Variants in MAX observed in about 807,000 individuals in gnomAD.
MAX encodes the protein protein max.
Under a neutral mutation model 22.3 loss-of-function variants are expected in MAX, and 3 were observed. That is an observed-to-expected ratio of 0.13 (90% confidence interval 0.06 to 0.35). The LOEUF is 0.35. MAX is among the 10% of genes least tolerant of loss of function. The pLI, the probability that MAX is intolerant of heterozygous loss-of-function variation, is 1.00. For synonymous variants in MAX, 72 were observed against 77.7 expected, an observed-to-expected ratio of 0.93 and a Z score of 0.39; for missense variants, 119 against 209.4, an observed-to-expected ratio of 0.57 and a Z score of 2.66.
rs2062424639 is a variant in MAX, at chr14:65,044,217, C to A, written c.172-37933G>T. The A allele has an allele frequency of 6.3e-7, 1 of 1,587,746 alleles. No individual in the cohort carries two copies. Among genetic ancestry groups the A allele is most frequent in the African/African-American group, 1.4e-5 (1 of 73,222 alleles). Reference sequence around the variant, plus strand: ...TGCCAAGAAGCCACAAGATGGGAAACCCTCCATCCCACAGATTGACTCCTG... The same window carrying A: ...TGCCAAGAAGCCACAAGATGGGAAAACCTCCATCCCACAGATTGACTCCTG... On this transcript the variant is annotated intron_variant, in intron 3 of 3. Transcript: ENST00000341653. The surrounding 1 kb of genome is among the most constrained non-coding windows in gnomAD (Gnocchi z 5.5).
At chr14:65,045,359 T>C (rs2062451944) in intron 3 of MAX, among the ~76,000 whole-genome samples, 1 of 152,094 alleles carries the variant, frequency 6.6e-6, no homozygotes. Flanking sequence ...GAGATTCTTT[T>C]CTGCCCCTCC....
In MAX at chr14:65,076,448, T is replaced by C. The variant is rs1402574606; in HGVS notation, c.*28A>G. On this transcript the variant is annotated 3_prime_UTR_variant, in exon 5 of 5. Transcript: ENST00000358664. The surrounding 1 kb of genome is among the most constrained non-coding windows in gnomAD (Gnocchi z 6.6). The stretch of plus-strand genomic sequence containing the variant: ...AGGATGAGACGATGGAGACAGACAG[T>C]TTTTATTGCTGGCCTGCCCCGAGTG... The C allele has an allele frequency of 6.2e-7, 1 of 1,612,042 alleles. No homozygotes were observed.
Position 65,032,790 on chromosome 14 carries a change from G to A in MAX, c.172-26506C>T. 2 of 1,231,636 alleles carry A rather than the reference G, an allele frequency of 1.6e-6. No individual in the cohort carries two copies. The highest frequency in any genetic ancestry group is 2.2e-6 in the Non-Finnish European group (2 of 902,750). The allele number at this position is 1,231,636 out of a possible 1,614,324, so 76.3% of individuals were successfully genotyped here. On this transcript the variant is annotated intron_variant, in intron 3 of 3. Coordinates refer to the MAX transcript ENST00000341653. The surrounding 1 kb of genome is among the most constrained non-coding windows in gnomAD (Gnocchi z 5.0). Reference sequence around the variant, plus strand: ...AAAGAAAATGCAGAGGGACTTGGAAGGAAATACAAAAATCACAGGAGATCC... The same window carrying A: ...AAAGAAAATGCAGAGGGACTTGGAAAGAAATACAAAAATCACAGGAGATCC...
At chr14:65,092,008 C>A (rs1423369627) in intron 3 of MAX, 1 of 151,938 alleles carries the variant, frequency 6.6e-6, no homozygotes, top group Non-Finnish European at 1.5e-5. Flanking sequence ...TGTAAGACTA[C>A]CAAATTCAAA....
rs1182383819 is a variant in MAX, at chr14:65,044,921, A to G, written c.172-38637T>C. Among the ~76,000 whole-genome samples, 1 of 152,128 alleles carries G rather than the reference A, an allele frequency of 6.6e-6. No homozygotes were observed. Among genetic ancestry groups the G allele is most frequent in the Non-Finnish European group, 1.5e-5 (1 of 68,018 alleles). On this transcript the variant is annotated intron_variant, in intron 3 of 3. Coordinates refer to the MAX transcript ENST00000341653. This position sits in a 1 kb window ranked among gnomAD's most constrained non-coding sequence, Gnocchi z 5.5. Reference sequence around the variant, plus strand: ...TGGGTTGTAGGGGTGGGTTGCCCCTACACCATGGAGAAGAGACTCGCCGTG... The same window carrying G: ...TGGGTTGTAGGGGTGGGTTGCCCCTGCACCATGGAGAAGAGACTCGCCGTG...
Position 65,077,601 on chromosome 14 carries a change from A to C in MAX, c.295+312T>G, listed in dbSNP as rs542521673. The C allele has an allele frequency of 4.0e-4, 410 of 1,025,786 alleles. No homozygotes were observed. The highest frequency in any genetic ancestry group is 5.4e-4 in the Non-Finnish European group (363 of 668,508). 63.5% of individuals were successfully genotyped at this position (1,025,786 alleles called of 1,614,324 possible). A position where few individuals can be genotyped will look rare whatever the true frequency, so the allele number is the denominator to read the frequency against. Reference sequence around the variant, plus strand: ...CTCCAAGGACCTCAAAGCTCTTTTCAGACACCTGATGCCAGGTGTGATCCC... The same window carrying C: ...CTCCAAGGACCTCAAAGCTCTTTTCCGACACCTGATGCCAGGTGTGATCCC... On this transcript the variant is annotated intron_variant, in intron 4 of 4. Transcript: ENST00000358664. This position sits in a 1 kb window ranked among gnomAD's most constrained non-coding sequence, Gnocchi z 6.3.
intron 3 of MAX, among the ~76,000 whole-genome samples, chr14:65,026,434 G>A (rs1477924761): frequency 1.3e-5 from 2 of 152,222 alleles, no homozygotes; most frequent in Non-Finnish European, 1.5e-5. Context: ...AATTCTCCAA[G>A]AACCCGCAGA....
intron 3 of MAX, chr14:65,061,049 A>AGC: frequency 7.0e-7 from 1 of 1,435,244 alleles, no homozygotes; most frequent in South Asian, 1.4e-5. Context: ...CCATTTTTGA[A>AGC]CCTTTGGGCT....
intron 3 of MAX, among the ~76,000 whole-genome samples, chr14:65,087,459 A>G (rs2063369852): frequency 6.6e-6 from 1 of 152,226 alleles, no homozygotes; most frequent in Admixed American, 6.5e-5. Context: ...ATGCAAGACC[A>G]AAGGAACCCA....
intron 3 of MAX, among the ~76,000 whole-genome samples, chr14:65,017,676 TG>T (rs1433858818): frequency 1.3e-5 from 2 of 152,148 alleles, no homozygotes; most frequent in Non-Finnish European, 2.9e-5. Flanking sequence ...AATGTAAAGC[TG>T]GGTGTGGTGG....
chr14:65,076,956 G>A lies in MAX; in HGVS notation c.296-293C>T, dbSNP rs1382396956. 3 of 563,726 alleles carry A rather than the reference G, an allele frequency of 5.3e-6. No individual in the cohort carries two copies. Among genetic ancestry groups the A allele is most frequent in the Non-Finnish European group, 9.5e-6 (3 of 315,412 alleles). The allele number at this position is 563,726 out of a possible 1,614,324, so 34.9% of individuals were successfully genotyped here. On this transcript the variant is annotated intron_variant, in intron 4 of 4. Coordinates refer to ENST00000358664, the MANE Select transcript of MAX (RefSeq NM_002382.5). This position sits in a 1 kb window ranked among gnomAD's most constrained non-coding sequence, Gnocchi z 6.6. Reference sequence around the variant, plus strand: ...GTGGAAGCCCCGTGGAGAGACTGGAGCGTGAGCTCCCTGTGGGATTCAGCA... The same window carrying A: ...GTGGAAGCCCCGTGGAGAGACTGGAACGTGAGCTCCCTGTGGGATTCAGCA...
At chr14:65,046,223 G>C (rs1449278755) in intron 3 of MAX, among the ~76,000 whole-genome samples, 2 of 151,802 alleles carry the variant, frequency 1.3e-5, no homozygotes, top group Admixed American at 1.3e-4. Context: ...TGATCTGTCC[G>C]CCTTGGCCTC....
intron 3 of MAX, chr14:65,061,644 AC>A: frequency 4.2e-6 from 1 of 236,304 alleles, no homozygotes; most frequent in Admixed American, 4.7e-5. Context: ...TCTGAGTATT[AC>A]GGCATCCAGA....
intron 3 of MAX, among the ~76,000 whole-genome samples, chr14:65,087,572 G>GTAC (rs2063373657): frequency 6.6e-6 from 1 of 152,194 alleles, no homozygotes; most frequent in Non-Finnish European, 1.5e-5. Context: ...CTTGCATGAG[G>GTAC]CCTGTAGCCC....
chr14:65,084,437 A>G lies in MAX; in HGVS notation c.172-6401T>C, dbSNP rs1161474362. On this transcript the variant is annotated intron_variant, in intron 3 of 4. Transcript: ENST00000358664. This position sits in a 1 kb window ranked among gnomAD's most constrained non-coding sequence, Gnocchi z 4.3. ...AGTGATAATGAAACTGGTACTCTCA[A>G]AACACTACCAAAAGACTACTCTTTA... 4.7e-6 allele frequency: 3 copies of G among 642,482 alleles called. No individual in the cohort carries two copies. Among genetic ancestry groups the G allele is most frequent in the Non-Finnish European group, 8.4e-6 (3 of 357,786 alleles). 39.8% of individuals were successfully genotyped at this position (642,482 alleles called of 1,614,324 possible).
chr14:65,037,748 ATTT>A (rs1938147854), intron 3 of MAX, among the ~76,000 whole-genome samples: 1 of 75,748 alleles, frequency 1.3e-5, no homozygotes, highest in African/African-American at 5.0e-5. Flanking sequence ...TTTATTATTT[ATTT>A]ATTTATTTAT....
intron 3 of MAX, among the ~76,000 whole-genome samples, chr14:65,037,472 T>G (rs1368939278): frequency 8.0e-6 from 1 of 124,474 alleles, no homozygotes; most frequent in East Asian, 2.8e-4. Context: ...GTTTTATGTG[T>G]CTCCCAGATT....
chr14:65,083,653 A>C (rs1372355634), intron 3 of MAX: 2 of 893,578 alleles, frequency 2.2e-6, no homozygotes, highest in Non-Finnish European at 1.4e-6. Context: ...TGCCCAAAAC[A>C]GATGCCAGTG....
intron 3 of MAX, among the ~76,000 whole-genome samples, chr14:65,034,696 T>C (rs2062151739): frequency 6.6e-6 from 1 of 152,250 alleles, no homozygotes; most frequent in Admixed American, 6.5e-5. Flanking sequence ...TTTTATTCTT[T>C]ATGAGTGCAT....
Sources: gnomAD v4.1 joint callset for allele counts (sites outside exome capture counted in the v4.1 genomes callset) on GRCh38, gnomAD v4.1.1 for gene constraint, Gnocchi (gnomAD v3.1) non-coding constraint, MANE v1.5 for transcripts, NCBI Gene and HGNC (gene_info 2026-07-23, HGNC 2026-07-21) for gene names.